TMPRSS15: variants seen among roughly 807,000 people sequenced by gnomAD.
TMPRSS15 encodes enteropeptidase.
Under a neutral mutation model 125.3 loss-of-function variants are expected in TMPRSS15, and 128 were observed. That is an observed-to-expected ratio of 1.02 (90% CI 0.89 to 1.18). TMPRSS15 has a LOEUF of 1.18. TMPRSS15 is among the 50% of genes most tolerant of loss of function. The pLI is 0.00. For missense variants in TMPRSS15, 1,283 were observed against 1,212.7 expected, an observed-to-expected ratio of 1.06 and a Z score of -0.86; for synonymous variants, 446 against 423.2, an observed-to-expected ratio of 1.05 and a Z score of -0.66.
chr21:18,440,389 A>AAAAAAAAAAAAAAAAAAC (rs71191407), intron 1 of TMPRSS15, among the ~76,000 whole-genome samples: 1 of 147,972 alleles, frequency 6.8e-6, no homozygotes, highest in Non-Finnish European at 1.5e-5. Flanking sequence ...AAAAAAAAAA[A>AAAAAAAAAAAAAAAAAAC]GAAAACTGTA....
At chr21:18,352,706 A>G (rs896696421) in intron 10 of TMPRSS15, among the ~76,000 whole-genome samples, 197 bp downstream of exon 10, 2 of 151,896 alleles carry the variant, frequency 1.3e-5, no homozygotes, top group Non-Finnish European at 2.9e-5. Flanking sequence ...GGGTAAACCA[A>G]TATATTTCTT....
intron 1 of TMPRSS15, among the ~76,000 whole-genome samples, chr21:18,440,372 C>CAGAAAAAAAAAA (rs2076238488): frequency 4.2e-5 from 2 of 47,430 alleles, no homozygotes; most frequent in African/African-American, 8.3e-5. Flanking sequence ...AACTCCGTCT[C>CAGAAAAAAAAAA]AAAAAAAAAA....
At chr21:18,329,048 A>G in intron 15 of TMPRSS15, 121 bp downstream of exon 15, 1 of 1,096,138 alleles carries the variant, frequency 9.1e-7, no homozygotes, top group Non-Finnish European at 1.4e-6. Flanking sequence ...ATGTCACTTT[A>G]CTATTGTATT....
In TMPRSS15 at chr21:18,284,766, C is replaced by T. The variant is rs183656975; in HGVS notation, c.2487-3545G>A. Reference sequence around the variant, plus strand: ...GTTGGCTGAATTTACTTTCGGAGGCCGAGGCAGGTGGATCACCTGAGGTCA... The same window carrying T: ...GTTGGCTGAATTTACTTTCGGAGGCTGAGGCAGGTGGATCACCTGAGGTCA... On this transcript the variant is annotated intron_variant, in intron 21 of 24. Transcript: ENST00000284885. 2.8e-4 allele frequency among the ~76,000 whole-genome samples: 43 copies of T among 152,034 alleles called. No homozygotes were observed. The East Asian group carries it at 2.9e-3, about 10-fold the overall frequency.
intron 1 of TMPRSS15, among the ~76,000 whole-genome samples, chr21:18,469,666 G>A (rs1341241448): frequency 1.3e-5 from 2 of 151,980 alleles, no homozygotes; most frequent in African/African-American, 2.4e-5. Flanking sequence ...AGATTTTAGT[G>A]GGGAGTTAAT....
In TMPRSS15 at chr21:18,270,024, C is replaced by G; in HGVS notation, c.3005G>C (p.Gly1002Ala). 1 of 1,613,980 alleles carries G rather than the reference C, an allele frequency of 6.2e-7. No homozygotes were observed. The highest frequency in any genetic ancestry group is 1.1e-5 in the South Asian group (1 of 91,088). Residue 1002 changes from glycine (G) to alanine (A), a missense_variant, in exon 25 of 25, where the codon GGA (glycine) becomes GCA (alanine). By Grantham distance (60) the Gly-to-Ala change is moderately conservative (BLOSUM62 0). Coordinates refer to ENST00000284885, the MANE Select transcript of TMPRSS15 (RefSeq NM_002772.3). ...GYKCALPNRP[G>A]VYARVSRFTE... ...AAACCTTGAGACCCTGGCATACACT[C>G]CGGGGCGATTAGGCAGGGCACACTT...
intron 12 of TMPRSS15, 145 bp downstream of exon 12, chr21:18,343,361 G>A: frequency 1.4e-6 from 1 of 729,798 alleles, no homozygotes; most frequent in East Asian, 2.8e-5. Context: ...ATACTCCAAG[G>A]TAAAATGTGA....
At chr21:18,287,518 A>G (rs2074779673) in intron 21 of TMPRSS15, among the ~76,000 whole-genome samples, 1 of 152,212 alleles carries the variant, frequency 6.6e-6, no homozygotes, top group South Asian at 2.1e-4. Context: ...ATGTGATCCA[A>G]GATGATGAAT....
chr21:18,402,182 T>G (rs1239970131), intron 1 of TMPRSS15, among the ~76,000 whole-genome samples: 5 of 152,158 alleles, frequency 3.3e-5, no homozygotes, highest in Non-Finnish European at 1.5e-5. Context: ...AACTTACTTA[T>G]TTACTAGAAT....
chr21:18,413,307 TTTCTTTTCC>T lies in TMPRSS15; in HGVS notation c.11-14987_11-14979del, dbSNP rs1488213342. On this transcript the variant is annotated intron_variant, in intron 1 of 7. Coordinates refer to the TMPRSS15 transcript ENST00000422787. ...TTCTTTCTTTCTTTTCTTTCTTTTC[TTTCTTTTCC>T]TTCCTTCCTTCCTTCCTTCCTTCCT... Among the ~76,000 whole-genome samples, 50 of 80,222 alleles carry T rather than the reference TTTCTTTTCC, an allele frequency of 6.2e-4. 1 individual carries two copies. The highest frequency in any genetic ancestry group is 2.7e-3 in the African/African-American group (49 of 18,472). The allele number at this position is 80,222 out of a possible 152,430, so 52.6% of individuals were successfully genotyped here. A position where few individuals can be genotyped will look rare whatever the true frequency, so the allele number is the denominator to read the frequency against.
At chr21:18,354,820 T>C (rs1037574265) in intron 8 of TMPRSS15, among the ~76,000 whole-genome samples, 1 of 151,818 alleles carries the variant, frequency 6.6e-6, no homozygotes, top group African/African-American at 2.4e-5. Flanking sequence ...TGGCATTAGA[T>C]TCAGGCCTAT....
At chr21:18,464,604 A>C (rs141512190) in intron 1 of TMPRSS15, among the ~76,000 whole-genome samples, 2 of 152,192 alleles carry the variant, frequency 1.3e-5, no homozygotes, top group African/African-American at 4.8e-5. Flanking sequence ...TAGAAATACA[A>C]ACTACCATCA....
intron 8 of TMPRSS15, among the ~76,000 whole-genome samples, chr21:18,358,023 A>G (rs1317217628): frequency 6.6e-6 from 1 of 151,828 alleles, no homozygotes; most frequent in Non-Finnish European, 1.5e-5. Context: ...TAATATAACT[A>G]CATATTCATT....
chr21:18,303,715 T>C (rs2074999526), intron 18 of TMPRSS15, among the ~76,000 whole-genome samples: 1 of 152,166 alleles, frequency 6.6e-6, no homozygotes, highest in African/African-American at 2.4e-5. Flanking sequence ...ACCTATACAT[T>C]ACAGATAATT....
At chr21:18,342,861 A>G (rs1019270666) in intron 12 of TMPRSS15, among the ~76,000 whole-genome samples, 3 of 152,188 alleles carry the variant, frequency 2.0e-5, no homozygotes, top group African/African-American at 7.2e-5. Context: ...TCTGAAAGTG[A>G]TACTCTTGTG....
chr21:18,394,521 C>CTCTCTCTCTCTG (rs947684606), intron 3 of TMPRSS15, among the ~76,000 whole-genome samples: 3 of 150,098 alleles, frequency 2.0e-5, no homozygotes, highest in African/African-American at 7.3e-5. Context: ...GGCATTCTCT[C>CTCTCTCTCTCTG]TCTCTCTCTC....
At chr21:18,438,679 A>G (rs2076234839) in intron 1 of TMPRSS15, among the ~76,000 whole-genome samples, 1 of 152,202 alleles carries the variant, frequency 6.6e-6, no homozygotes, top group Admixed American at 6.5e-5. Flanking sequence ...ACCATAAGCT[A>G]TACCTGGCCC....
chr21:18,394,843 C>T (rs2123109007), intron 3 of TMPRSS15, among the ~76,000 whole-genome samples: 1 of 152,286 alleles, frequency 6.6e-6, no homozygotes, highest in South Asian at 2.1e-4. Context: ...TATTTCTCCA[C>T]TCGTTTAACT....
At position 18,436,947 on chromosome 21, in the gene TMPRSS15, C is replaced by A. The variant is rs1411301669; in HGVS notation, c.11-38618G>T. On this transcript the variant is annotated intron_variant, in intron 1 of 7. Coordinates refer to the TMPRSS15 transcript ENST00000422787. ...GCCATCCCCATCAAGCTACCAACGA[C>A]TTTCTTCACAGAATTGGAAAAAACT... Among the ~76,000 whole-genome samples, 70 of 123,800 alleles carry A rather than the reference C, an allele frequency of 5.7e-4. 1 individual carries two copies. Among genetic ancestry groups the A allele is most frequent in the African/African-American group, 2.1e-3 (67 of 32,472 alleles). 81.2% of individuals were successfully genotyped at this position (123,800 alleles called of 152,430 possible).
Sources: allele counts gnomAD v4.1 joint callset (sites outside exome capture counted in the v4.1 genomes callset), GRCh38; gene constraint gnomAD v4.1.1; transcripts MANE v1.5; gene names NCBI Gene and HGNC (gene_info 2026-07-23, HGNC 2026-07-21).